RANBP1: variants seen among roughly 807,000 people sequenced by gnomAD.
The protein encoded by RANBP1 is RAN binding protein 1, also known as ran-specific GTPase-activating protein.
RANBP1 carries 16 observed loss-of-function variants against 31.4 expected under a neutral mutation model. The observed-to-expected ratio is 0.51, with a 90% CI of 0.34 to 0.77. RANBP1 has a LOEUF of 0.77. Ranked by LOEUF, RANBP1 falls within the 30% of genes least tolerant of loss-of-function variation. The pLI is 0.01. For synonymous variants in RANBP1, 129 were observed against 140.5 expected (o/e 0.92, Z 0.58); for missense variants, 265 against 362.0 (o/e 0.73, Z 2.17).
intron 4 of RANBP1, chr22:20,125,752 A>C: frequency 9.7e-7 from 1 of 1,027,094 alleles, no homozygotes; most frequent in Non-Finnish European, 1.3e-6. Flanking sequence ...CTGAGGCCCA[A>C]CCCAGGGCTT....
chr22:20,126,610 A>G, intron 5 of RANBP1: 1 of 1,528,848 alleles, frequency 6.5e-7, no homozygotes, highest in Non-Finnish European at 8.8e-7. Context: ...CACTGCCTGG[A>G]GCTCACCAGA....
In RANBP1 at chr22:20,122,382, C is replaced by T; in HGVS notation, c.502C>T (p.Arg168Trp). 1 of 1,612,940 alleles carries T rather than the reference C, an allele frequency of 6.2e-7. No individual in the cohort carries two copies. Among genetic ancestry groups the T allele is most frequent in the South Asian group, 1.1e-5 (1 of 91,074 alleles). Residue 168 changes from arginine to tryptophan, a missense_variant, in exon 3 of 6, where the codon CGG becomes TGG. Transcript: ENST00000430524. ...KEKGAIRLLM[R>W]RDKTLKICAN... ...GAAAGGGGCCATCCGCCTCCTCATG[C>T]GGAGGGACAAGACCCTGAAGATCTG...
chr22:20,122,548 G>C, intron 3 of RANBP1, 127 bp downstream of exon 3: 1 of 1,565,996 alleles, frequency 6.4e-7, no homozygotes, highest in Non-Finnish European at 8.7e-7. Context: ...TGGTGTGTTT[G>C]TTGAATTTAA....
At position 20,119,841 on chromosome 22, in the gene RANBP1, G is replaced by C. The variant is rs1442064501; in HGVS notation, c.383+692G>C. ...ACCCTTAATATACAACATGATGCTT[G>C]CGATAACACATGAAAATAGGTGATG... On this transcript the variant is annotated intron_variant, in intron 2 of 5. Coordinates refer to ENST00000430524, the MANE Select transcript of RANBP1 (RefSeq NM_001278639.2). 2.0e-5 allele frequency among the ~76,000 whole-genome samples: 3 copies of C among 152,190 alleles called. No individual in the cohort carries two copies. The East Asian group carries it at 5.8e-4, about 29-fold the overall frequency.
chr22:20,122,448 C>A lies in RANBP1; in HGVS notation c.541+27C>A, dbSNP rs748554058. ...TAGGTGGCATGAACGACCACCTCGACAGTCCCCAGCAGCTTGGCCTGGGAC... is the reference window on the plus strand; with the variant it reads ...TAGGTGGCATGAACGACCACCTCGAAAGTCCCCAGCAGCTTGGCCTGGGAC... On this transcript the variant is annotated intron_variant, in intron 3 of 5. Transcript: ENST00000430524. 9 of 1,610,942 alleles carry A rather than the reference C, an allele frequency of 5.6e-6. No homozygotes were observed. In the East Asian group the frequency reaches 1.8e-4, roughly 32 times the overall value.
Position 20,116,348 on chromosome 22 carries a change from C to T in RANBP1, c.164C>T (p.Pro55Leu). The change falls in exon 1 of 6, where the codon CCA becomes CTA. Residue 55 changes from proline to leucine, a missense_variant. Transcript: ENST00000430524. ...AGTTTGGTTTTGTGGGGCTGCAGAC[C>T]AAAGCGGCCCAGGAAGCGCCGGACG... ...PKSLVLWGCRPKRPRKRRTSL... is the reference protein window; with the variant it reads ...PKSLVLWGCRLKRPRKRRTSL... 1.2e-6 allele frequency: 2 copies of T among 1,612,964 alleles called. No individual in the cohort carries two copies. The highest frequency in any genetic ancestry group is 8.5e-7 in the Non-Finnish European group (1 of 1,180,000).
intron 4 of RANBP1, among the ~76,000 whole-genome samples, chr22:20,125,898 T>G (rs2050286166): frequency 6.6e-6 from 1 of 152,256 alleles, no homozygotes; most frequent in Non-Finnish European, 1.5e-5. Context: ...TCAGAGGTCT[T>G]TCCAGTCCAG....
At chr22:20,120,397 G>A (rs1204019697) in intron 2 of RANBP1, among the ~76,000 whole-genome samples, 1 of 152,218 alleles carries the variant, frequency 6.6e-6, no homozygotes, top group Non-Finnish European at 1.5e-5. Flanking sequence ...GCCCATGTCG[G>A]GTGGGAGGTG....
chr22:20,117,756 C>T (rs2050072243), intron 1 of RANBP1: 1 of 1,073,538 alleles, frequency 9.3e-7, no homozygotes, highest in African/African-American at 1.7e-5. Context: ...CCGCCACCAA[C>T]CTCCGCCGGC....
chr22:20,120,996 C>G (rs2050158310), intron 2 of RANBP1, among the ~76,000 whole-genome samples: 1 of 152,242 alleles, frequency 6.6e-6, no homozygotes, highest in Non-Finnish European at 1.5e-5. Flanking sequence ...CTCTGTTGCC[C>G]AGGCTGGAGT....
chr22:20,125,375 T>C lies in RANBP1; in HGVS notation c.609T>C (p.Ala203=), dbSNP rs555239539. The part of the protein sequence containing the change: ...SDRAWVWNTH[A]DFADECPKPE... ...GTGCCTGGGTCTGGAACACCCACGC[T>C]GACTTCGCCGACGAGTGCCCCAAGC... Residue 203 remains alanine, a synonymous_variant, in exon 4 of 6, where the codon GCT becomes GCC. Coordinates refer to ENST00000430524, the MANE Select transcript of RANBP1 (RefSeq NM_001278639.2). The C allele has an allele frequency of 1.2e-6, 2 of 1,611,852 alleles. No individual in the cohort carries two copies. Among genetic ancestry groups the C allele is most frequent in the East Asian group, 4.5e-5 (2 of 44,884 alleles).
chr22:20,125,109 T>C, intron 3 of RANBP1, 199 bp from the exon 4 acceptor site: 1 of 604,188 alleles, frequency 1.7e-6, no homozygotes, highest in East Asian at 2.9e-5. Context: ...TAAGTGAATA[T>C]GGAGGATTTT....
intron 1 of RANBP1, chr22:20,117,620 C>T (rs1244884693): frequency 6.2e-6 from 8 of 1,294,370 alleles, no homozygotes; most frequent in African/African-American, 1.6e-5. Flanking sequence ...ACGACCGACC[C>T]AGCCGAGCCG....
chr22:20,123,446 GT>G (rs2050231540), intron 3 of RANBP1, among the ~76,000 whole-genome samples: 1 of 108,836 alleles, frequency 9.2e-6, no homozygotes, highest in African/African-American at 3.5e-5. Context: ...GGGGTGTGTG[GT>G]GTCTGGGGGG....
chr22:20,122,356 A>T lies in RANBP1; in HGVS notation c.476A>T (p.Glu159Val), dbSNP rs772355561. ...TGDVKLLKHK[E>V]KGAIRLLMRR... ...GACGTCAAGCTCCTGAAGCACAAGG[A>T]GAAAGGGGCCATCCGCCTCCTCATG... Residue 159 changes from glutamate to valine, a missense_variant, in exon 3 of 6, where the codon GAG (glutamate) becomes GTG (valine). Around this residue, in one of 3 missense-constraint regions of RANBP1, gnomAD observed 90 missense variants for 190.5 expected, o/e 0.47. Transcript: ENST00000430524. 3 of 1,613,168 alleles carry T rather than the reference A, an allele frequency of 1.9e-6. No individual in the cohort carries two copies. The South Asian group carries it at 3.3e-5, about 18-fold the overall frequency.
intron 2 of RANBP1, 64 bp downstream of exon 2, chr22:20,119,213 T>C: frequency 6.6e-7 from 1 of 1,523,840 alleles, no homozygotes; most frequent in Admixed American, 1.7e-5. Context: ...TTTATGGGTG[T>C]CCAGGTTTTG....
chr22:20,120,062 GGTT>G (rs2050141438), intron 2 of RANBP1, among the ~76,000 whole-genome samples: 1 of 152,168 alleles, frequency 6.6e-6, no homozygotes, highest in African/African-American at 2.4e-5. Context: ...GTGAAAATGA[GGTT>G]GTAGTTTTTC....
Position 20,127,171 on chromosome 22 carries a change from G to T in RANBP1, c.*119G>T, listed in dbSNP as rs2050319216. On this transcript the variant is annotated 3_prime_UTR_variant, in exon 6 of 6. Coordinates refer to ENST00000430524, the MANE Select transcript of RANBP1 (RefSeq NM_001278639.2). ...ATTTTTACAAGGGACGTTATATAAA[G>T]AACTGAACTCAACATTCAGGTTGTT... 6.6e-6 allele frequency: 5 copies of T among 762,216 alleles called. No homozygotes were observed. The highest frequency in any genetic ancestry group is 9.9e-6 in the Non-Finnish European group (5 of 507,150). 47.2% of individuals were successfully genotyped at this position (762,216 alleles called of 1,614,324 possible).
At chr22:20,119,251 C>T in intron 2 of RANBP1, 102 bp downstream of exon 2, 2 of 1,187,436 alleles carry the variant, frequency 1.7e-6, no homozygotes, top group East Asian at 2.4e-5. Context: ...ACTGAGGCTG[C>T]TTAAAGAAAG....
Sources: allele counts gnomAD v4.1 joint callset (sites outside exome capture counted in the v4.1 genomes callset), GRCh38; gene constraint gnomAD v4.1.1; regional missense constraint gnomAD v4.1.1; transcripts MANE v1.5; gene names NCBI Gene and HGNC (gene_info 2026-07-23, HGNC 2026-07-21).